LRIG1: variants seen among roughly 807,000 people sequenced by gnomAD.
LRIG1 encodes the protein leucine rich repeats and immunoglobulin like domains 1.
Under a neutral mutation model 99.2 loss-of-function variants are expected in LRIG1, and 48 were observed. The ratio of observed to expected loss-of-function variants is 0.48; its 90% confidence interval spans 0.38 to 0.62. The LOEUF (loss-of-function observed/expected upper bound fraction) is 0.62. LRIG1 is among the 20% of genes least tolerant of loss of function. The pLI is 0.00. For missense variants in LRIG1, 1,646 were observed against 1,434.4 expected (o/e 1.15, Z -2.38); for synonymous variants, 772 against 596.1 (o/e 1.29, Z -4.30).
rs1700992147 is a variant in LRIG1 at position 66,380,666 on chromosome 3, GGGCAGGACCCAGC to G, written c.2953_2965del (p.Ala985ProfsTer16). 1 of 1,614,050 alleles carries G rather than the reference GGGCAGGACCCAGC, an allele frequency of 6.2e-7. No homozygotes were observed. The highest frequency in any genetic ancestry group is 1.7e-5 in the Admixed American group (1 of 60,012). On this transcript the variant is annotated frameshift_variant, in exon 18 of 19. Coordinates refer to ENST00000273261, the MANE Select transcript of LRIG1 (RefSeq NM_015541.3). LOFTEE classifies it high-confidence loss of function. ...GGGGTAGAGCGACCCTTGGCACTCG[GGGCAGGACCCAGC>G]GGCAGTCCTGCTGCACTGGTGATGT...
At chr3:66,398,006 T>G in intron 11 of LRIG1, 106 bp downstream of exon 11, 2 of 903,822 alleles carry the variant, frequency 2.2e-6, no homozygotes, top group Non-Finnish European at 3.5e-6. Context: ...ATCCAAAATA[T>G]GTACCATGTG....
chr3:66,438,233 T>G (rs1703425821), intron 3 of LRIG1, among the ~76,000 whole-genome samples: 1 of 152,152 alleles, frequency 6.6e-6, no homozygotes, highest in Non-Finnish European at 1.5e-5. Context: ...ACGCAGACTC[T>G]GCAACATAGA....
chr3:66,389,625 G>A (rs1048028541), intron 12 of LRIG1, among the ~76,000 whole-genome samples: 10 of 152,082 alleles, frequency 6.6e-5, no homozygotes, highest in African/African-American at 1.9e-4. Flanking sequence ...TCAGAAACAC[G>A]TAAAAATGAT....
At chr3:66,467,353 A>G (rs1700495759) in intron 1 of LRIG1, among the ~76,000 whole-genome samples, 1 of 141,618 alleles carries the variant, frequency 7.1e-6, no homozygotes. Flanking sequence ...TGGCCACACT[A>G]GCTATTTTTT....
intron 1 of LRIG1, among the ~76,000 whole-genome samples, chr3:66,475,323 A>G (rs1263762406): frequency 6.6e-6 from 1 of 152,230 alleles, no homozygotes; most frequent in African/African-American, 2.4e-5. Context: ...TTGCGTCTGC[A>G]TACTGCACAC....
intron 3 of LRIG1, 68 bp from the exon 4 acceptor site, chr3:66,417,334 C>G: frequency 6.7e-7 from 1 of 1,503,624 alleles, no homozygotes; most frequent in Non-Finnish European, 9.2e-7. Context: ...AACTAGTATT[C>G]CTGCACCCCA....
intron 3 of LRIG1, among the ~76,000 whole-genome samples, chr3:66,431,914 C>A (rs1425304111): frequency 1.3e-5 from 2 of 152,204 alleles, no homozygotes; most frequent in South Asian, 2.1e-4. Flanking sequence ...CTAGAAGATA[C>A]ACGTAGAAAA....
chr3:66,487,559 G>A (rs928219864), intron 1 of LRIG1, among the ~76,000 whole-genome samples: 7 of 152,136 alleles, frequency 4.6e-5, no homozygotes, highest in Admixed American at 1.3e-4. Flanking sequence ...AATGATCCCT[G>A]CTGCTTTCAA....
At chr3:66,432,351 T>C (rs1423394828) in intron 3 of LRIG1, among the ~76,000 whole-genome samples, 1 of 152,216 alleles carries the variant, frequency 6.6e-6, no homozygotes, top group Non-Finnish European at 1.5e-5. Context: ...CACAGGGCCA[T>C]GGATGTCCAG....
At chr3:66,411,957 G>C (rs1702482355) in intron 6 of LRIG1, among the ~76,000 whole-genome samples, 1 of 151,606 alleles carries the variant, frequency 6.6e-6, no homozygotes, top group Non-Finnish European at 1.5e-5. Context: ...GGGGAGGCTG[G>C]GGTGGGCAGT....
At chr3:66,408,792 C>A (rs1045150380) in intron 7 of LRIG1, among the ~76,000 whole-genome samples, 2 of 152,026 alleles carry the variant, frequency 1.3e-5, no homozygotes, top group Non-Finnish European at 2.9e-5. Context: ...GGCCCTGAAG[C>A]GTAGGAAGCT....
intron 3 of LRIG1, among the ~76,000 whole-genome samples, chr3:66,436,397 G>A (rs777627432): frequency 9.2e-5 from 14 of 152,242 alleles, no homozygotes; most frequent in Non-Finnish European, 1.6e-4. Flanking sequence ...GGTCAGCAAA[G>A]AAAAGCGGCT....
intron 3 of LRIG1, among the ~76,000 whole-genome samples, chr3:66,418,824 G>A (rs144282421): frequency 3.5e-3 from 531 of 151,760 alleles, no homozygotes; most frequent in Non-Finnish European, 4.7e-3. Context: ...TTTTTCATGC[G>A]TCTCCCAGGC....
intron 8 of LRIG1, chr3:66,405,611 G>T (rs1702239064): frequency 1.5e-6 from 1 of 646,744 alleles, no homozygotes; most frequent in Non-Finnish European, 2.2e-6. Flanking sequence ...CCAGCACTGA[G>T]AATCAACCCA....
intron 1 of LRIG1, among the ~76,000 whole-genome samples, chr3:66,499,709 C>T (rs1365318034): frequency 1.3e-5 from 2 of 152,092 alleles, no homozygotes; most frequent in East Asian, 1.9e-4. Context: ...CAACAGTCAC[C>T]TTCATTCATT....
At chr3:66,483,739 T>A (rs941422480) in intron 1 of LRIG1, among the ~76,000 whole-genome samples, 1 of 152,078 alleles carries the variant, frequency 6.6e-6, no homozygotes, top group Non-Finnish European at 1.5e-5. Context: ...AAAAGCAGGC[T>A]CCAAAACGCG....
intron 16 of LRIG1, among the ~76,000 whole-genome samples, chr3:66,381,852 A>AGGGTGAGCCTCTACG (rs1559763471): frequency 4.6e-5 from 7 of 151,896 alleles, no homozygotes; most frequent in Non-Finnish European, 1.0e-4. Flanking sequence ...GAGCCTCTAC[A>AGGGTGAGCCTCTACG]GTCTCAGGCA....
rs144696069 is a variant in LRIG1 at position 66,472,760 on chromosome 3, G to C, written c.219-10251C>G. On this transcript the variant is annotated intron_variant, in intron 1 of 18. Transcript: ENST00000273261. The stretch of plus-strand genomic sequence containing the variant: ...CCTCCAATAATATATTACTTCCTCT[G>C]GGTGCGACAGACACAGATTAAAACA... 9.5e-3 allele frequency among the ~76,000 whole-genome samples: 1,444 copies of C among 152,126 alleles called. 12 individuals are homozygous for C. The highest frequency in any genetic ancestry group is 0.024 in the Middle Eastern group (7 of 294).
At chr3:66,388,631 G>C (rs573024579) in intron 12 of LRIG1, among the ~76,000 whole-genome samples, 1 of 151,920 alleles carries the variant, frequency 6.6e-6, no homozygotes, top group South Asian at 2.1e-4. Context: ...CACATTCAAG[G>C]GATCTTCATT....
Sources: gnomAD v4.1 joint callset for allele counts (sites outside exome capture counted in the v4.1 genomes callset) on GRCh38, gnomAD v4.1.1 for gene constraint, MANE v1.5 for transcripts, NCBI Gene and HGNC (gene_info 2026-07-23, HGNC 2026-07-21) for gene names.